The following AEBP2 variants were observed in gnomAD, a reference collection of about 807,000 sequenced individuals.
The protein encoded by AEBP2 is zinc finger protein AEBP2.
In AEBP2, 10 loss-of-function variants were observed where a neutral mutation model predicts 50.8. The observed-to-expected ratio is 0.20, with a 90% CI of 0.12 to 0.33. The LOEUF (loss-of-function observed/expected upper bound fraction) is 0.33, where lower values mean the gene tolerates loss of function less well. Ranked by LOEUF, AEBP2 falls within the 10% of genes least tolerant of loss-of-function variation. AEBP2 has a pLI of 1.00. For synonymous variants in AEBP2, 296 were observed against 261.3 expected, an observed-to-expected ratio of 1.13 and a Z score of -1.28; for missense variants, 570 against 688.0, an observed-to-expected ratio of 0.83 and a Z score of 1.92.
intron 1 of AEBP2, among the ~76,000 whole-genome samples, chr12:19,412,937 C>T (rs910544954): frequency 4.6e-5 from 7 of 152,190 alleles, no homozygotes; most frequent in South Asian, 2.1e-4. Context: ...GTGGCCATGC[C>T]GCTTTCCCCG....
intron 3 of AEBP2, among the ~76,000 whole-genome samples, chr12:19,479,548 G>A (rs546909967): frequency 6.8e-6 from 1 of 147,992 alleles, no homozygotes; most frequent in South Asian, 2.1e-4. Context: ...TATGTTGCTA[G>A]GATTATTATT....
chr12:19,416,268 A>C (rs2095742532), intron 1 of AEBP2, among the ~76,000 whole-genome samples: 1 of 152,204 alleles, frequency 6.6e-6, no homozygotes, highest in Non-Finnish European at 1.5e-5. Flanking sequence ...TTCATGTCCA[A>C]ATTGGTTCAG....
Position 19,518,173 on chromosome 12 carries a change from C to A in AEBP2, c.*56C>A. The A allele has an allele frequency of 1.3e-6, 2 of 1,517,992 alleles. No homozygotes were observed. The highest frequency in any genetic ancestry group is 2.1e-5 in the Admixed American group (1 of 47,574). The allele number at this position is 1,517,992 out of a possible 1,614,324, so 94.0% of individuals were successfully genotyped here. On this transcript the variant is annotated 3_prime_UTR_variant, in exon 8 of 8. Transcript: ENST00000266508. Reference sequence around the variant, plus strand: ...GCGGGGACACCTGCAGTCTTAGTCACTGACAATGGGTTTAGGGAAAGTTGC... The same window carrying A: ...GCGGGGACACCTGCAGTCTTAGTCAATGACAATGGGTTTAGGGAAAGTTGC...
chr12:19,418,411 T>TTG (rs57450584), intron 1 of AEBP2, among the ~76,000 whole-genome samples: 1 of 149,392 alleles, frequency 6.7e-6, no homozygotes, highest in African/African-American at 2.5e-5. Flanking sequence ...TTTTTTTTTT[T>TTG]GTGGATATGA....
chr12:19,440,966 TC>T (rs1947947335), intron 1 of AEBP2, among the ~76,000 whole-genome samples: 1 of 152,234 alleles, frequency 6.6e-6, no homozygotes, highest in African/African-American at 2.4e-5. Flanking sequence ...AACAATCTTT[TC>T]TATTTGTTTT....
At chr12:19,452,793 G>T (rs1447000011) in intron 1 of AEBP2, among the ~76,000 whole-genome samples, 2 of 152,048 alleles carry the variant, frequency 1.3e-5, no homozygotes, top group Non-Finnish European at 2.9e-5. Context: ...GAGACATAGT[G>T]TAATCTTTCT....
chr12:19,431,990 C>A (rs971314288), intron 1 of AEBP2, among the ~76,000 whole-genome samples: 1 of 152,132 alleles, frequency 6.6e-6, no homozygotes, highest in African/African-American at 2.4e-5. Context: ...AATCTCAGCT[C>A]CAGTCTAAGC....
intron 1 of AEBP2, among the ~76,000 whole-genome samples, chr12:19,452,444 CT>C (rs1227566228): frequency 6.6e-6 from 1 of 151,836 alleles, no homozygotes; most frequent in Non-Finnish European, 1.5e-5. Context: ...TACATAATTG[CT>C]TTTTTCCCCT....
Position 19,521,539 on chromosome 12 carries a change from A to T in AEBP2, c.*3422A>T, listed in dbSNP as rs961822425. 1.3e-5 allele frequency: 2 copies of T among 152,102 alleles called. No homozygotes were observed. Among genetic ancestry groups the T allele is most frequent in the Admixed American group, 6.6e-5 (1 of 15,266 alleles). The allele number at this position is 152,102 out of a possible 1,614,324, so 9.4% of individuals were successfully genotyped here. A position where few individuals can be genotyped will look rare whatever the true frequency, so the allele number is the denominator to read the frequency against. Reference sequence around the variant, plus strand: ...ATTTAAAATTTTTTATATTTCTAATAAACTTTTTATATATAAATGTTACCT... The same window carrying T: ...ATTTAAAATTTTTTATATTTCTAATTAACTTTTTATATATAAATGTTACCT... On this transcript the variant is annotated 3_prime_UTR_variant, in exon 8 of 8. Transcript: ENST00000266508.
intron 3 of AEBP2, among the ~76,000 whole-genome samples, chr12:19,484,025 A>T (rs1948769978): frequency 6.6e-6 from 1 of 152,130 alleles, no homozygotes; most frequent in Non-Finnish European, 1.5e-5. Flanking sequence ...GAGGATTGTC[A>T]AACTTTTGGA....
intron 1 of AEBP2, chr12:19,413,316 T>C (rs893010881): frequency 2.6e-5 from 33 of 1,256,688 alleles, no homozygotes; most frequent in Middle Eastern, 2.0e-4. Flanking sequence ...CTTATACAGA[T>C]GGCAAGATAT....
chr12:19,419,891 C>T (rs894570389), intron 1 of AEBP2, among the ~76,000 whole-genome samples: 5 of 152,116 alleles, frequency 3.3e-5, no homozygotes, highest in African/African-American at 9.7e-5. Flanking sequence ...GATCGCACCA[C>T]TGCGCTCCAG....
intron 1 of AEBP2, among the ~76,000 whole-genome samples, chr12:19,409,448 G>T (rs1385840314): frequency 6.6e-6 from 1 of 151,942 alleles, no homozygotes; most frequent in Admixed American, 6.6e-5. Flanking sequence ...TAAAACCTCA[G>T]AATCATATTT....
chr12:19,477,729 G>T (rs940239110), intron 3 of AEBP2, among the ~76,000 whole-genome samples: 1 of 152,086 alleles, frequency 6.6e-6, no homozygotes, highest in African/African-American at 2.4e-5. Context: ...CAGGGATATT[G>T]GTCTGTAGAT....
rs370176283 is a variant in AEBP2 at position 19,465,058 on chromosome 12, T to C, written c.879+2341T>C. 3.3e-5 allele frequency among the ~76,000 whole-genome samples: 5 copies of C among 152,210 alleles called. No individual in the cohort carries two copies. The East Asian group carries it at 5.8e-4, about 18-fold the overall frequency. ...TTTCTTGAACCCTTATTCAAAAATA[T>C]CACTTGATTACCAATAATAAGATTC... is the stretch of plus-strand genomic sequence containing the variant. On this transcript the variant is annotated intron_variant, in intron 2 of 7. Coordinates refer to ENST00000266508, the MANE Select transcript of AEBP2 (RefSeq NM_153207.5).
At chr12:19,484,610 T>C (rs1948780297) in intron 3 of AEBP2, among the ~76,000 whole-genome samples, 1 of 152,080 alleles carries the variant, frequency 6.6e-6, no homozygotes, top group African/African-American at 2.4e-5. Context: ...CTTGACCTCG[T>C]GATCCGCCCG....
intron 1 of AEBP2, among the ~76,000 whole-genome samples, chr12:19,446,725 C>T (rs1236350264): frequency 9.8e-6 from 1 of 102,176 alleles, no homozygotes; most frequent in East Asian, 2.7e-4. Flanking sequence ...GAGCGAGACT[C>T]CGTTTCCAAA....
chr12:19,425,773 C>CA (rs11317571), intron 1 of AEBP2, among the ~76,000 whole-genome samples: 4,571 of 47,154 alleles, frequency 0.097, 179 homozygotes, highest in African/African-American at 0.14. Flanking sequence ...GACTCCATCT[C>CA]AAAAAAAAAA....
At chr12:19,494,075 C>A in intron 4 of AEBP2, 89 bp downstream of exon 4, 2 of 1,369,788 alleles carry the variant, frequency 1.5e-6, no homozygotes, top group Non-Finnish European at 2.0e-6. Flanking sequence ...AACTTCAACT[C>A]CTCTTCTATT....
Sources: gnomAD v4.1 joint callset for allele counts (sites outside exome capture counted in the v4.1 genomes callset) on GRCh38, gnomAD v4.1.1 for gene constraint, MANE v1.5 for transcripts, NCBI Gene and HGNC (gene_info 2026-07-23, HGNC 2026-07-21) for gene names.